PRKG1: variants seen among roughly 807,000 people sequenced by gnomAD.
PRKG1 encodes the protein protein kinase cGMP-dependent 1.
In PRKG1, 35 loss-of-function variants were observed where a neutral mutation model predicts 88.1. The observed-to-expected ratio is 0.40, with a 90% CI of 0.30 to 0.53. The LOEUF is 0.53. Among genes scored for constraint, PRKG1 ranks in the 20% least tolerant of loss-of-function variants. PRKG1 has a pLI of 0.59. For synonymous variants in PRKG1, 303 were observed against 292.5 expected (o/e 1.04, Z -0.37); for missense variants, 540 against 839.8 (o/e 0.64, Z 4.41).
chr10:51,813,091 TAAG>T (rs1310692504), intron 4 of PRKG1, among the ~76,000 whole-genome samples: 1 of 152,198 alleles, frequency 6.6e-6, no homozygotes, highest in Non-Finnish European at 1.5e-5. Context: ...CAAACTCAAA[TAAG>T]AAAAATCTTT....
At chr10:51,303,380 C>A (rs1840944364) in intron 2 of PRKG1, among the ~76,000 whole-genome samples, 1 of 148,582 alleles carries the variant, frequency 6.7e-6, no homozygotes, top group African/African-American at 2.5e-5. Flanking sequence ...TCACAGCAAT[C>A]ATCAAACAGG....
intron 3 of PRKG1, among the ~76,000 whole-genome samples, chr10:51,539,077 TC>T (rs766701212): frequency 3.3e-5 from 5 of 152,134 alleles, no homozygotes; most frequent in Non-Finnish European, 7.4e-5. Flanking sequence ...ATTAATTTTA[TC>T]TGTCTTGGGT....
intron 1 of PRKG1, among the ~76,000 whole-genome samples, chr10:51,027,548 T>G (rs1392408708): frequency 6.6e-6 from 1 of 152,198 alleles, no homozygotes; most frequent in African/African-American, 2.4e-5. Flanking sequence ...AAACTTAAAG[T>G]GTAGAAAAAT....
At chr10:51,042,408 C>T (rs1843435984) in intron 1 of PRKG1, among the ~76,000 whole-genome samples, 1 of 151,396 alleles carries the variant, frequency 6.6e-6, no homozygotes, top group Non-Finnish European at 1.5e-5. Context: ...TACTTTAAGG[C>T]ATAATCTTTG....
At chr10:51,836,712 A>C (rs1284566600) in intron 4 of PRKG1, among the ~76,000 whole-genome samples, 1 of 152,214 alleles carries the variant, frequency 6.6e-6, no homozygotes, top group Non-Finnish European at 1.5e-5. Flanking sequence ...CTAACCAAAA[A>C]ACCCTCAAAT....
chr10:51,861,053 T>C (rs1840860391), intron 4 of PRKG1, among the ~76,000 whole-genome samples: 1 of 152,150 alleles, frequency 6.6e-6, no homozygotes, highest in Non-Finnish European at 1.5e-5. Flanking sequence ...CTTTTACCAA[T>C]ATTTTTATGG....
chr10:51,817,506 T>A (rs191551502), intron 4 of PRKG1, among the ~76,000 whole-genome samples: 184 of 152,292 alleles, frequency 1.2e-3, no homozygotes, highest in African/African-American at 4.1e-3. Context: ...GCTTCATCCA[T>A]GTCCCTGCAT....
chr10:51,365,412 T>C (rs190456853), intron 2 of PRKG1, among the ~76,000 whole-genome samples: 1 of 152,032 alleles, frequency 6.6e-6, no homozygotes, highest in East Asian at 1.9e-4. Flanking sequence ...AGGCAGTTAG[T>C]ATAATGTCAT....
At chr10:51,978,300 C>T (rs1442395335) in intron 5 of PRKG1, among the ~76,000 whole-genome samples, 1 of 151,902 alleles carries the variant, frequency 6.6e-6, no homozygotes, top group Non-Finnish European at 1.5e-5. Flanking sequence ...CGTCTCTCTA[C>T]TCCATTTCAC....
At chr10:51,137,248 G>A (rs943376764) in intron 1 of PRKG1, among the ~76,000 whole-genome samples, 2 of 152,126 alleles carry the variant, frequency 1.3e-5, no homozygotes, top group Non-Finnish European at 2.9e-5. Context: ...AGGGTGGGGG[G>A]CAGGGAGGAG....
At chr10:51,646,856 T>G (rs1839926316) in intron 3 of PRKG1, among the ~76,000 whole-genome samples, 1 of 152,062 alleles carries the variant, frequency 6.6e-6, no homozygotes, top group Non-Finnish European at 1.5e-5. Context: ...TTATTCAAAG[T>G]ACTTATATAT....
At chr10:52,264,095 C>A (rs536335796) in intron 10 of PRKG1, among the ~76,000 whole-genome samples, 1 of 151,230 alleles carries the variant, frequency 6.6e-6, no homozygotes, top group African/African-American at 2.4e-5. Flanking sequence ...TGTTATTATA[C>A]TCCACTGCTG....
In PRKG1 at chr10:51,991,882, G is replaced by A. The variant is rs548958504; in HGVS notation, c.763-62602G>A. On this transcript the variant is annotated intron_variant, in intron 5 of 17. Coordinates refer to ENST00000373980, the MANE Select transcript of PRKG1 (RefSeq NM_006258.4). ...ATAGCAGCATGATTTATAATCCTTT[G>A]GGTATATACCCAGTAATGGGATGGC... 2.6e-5 allele frequency among the ~76,000 whole-genome samples: 4 copies of A among 152,188 alleles called. No homozygotes were observed. In the East Asian group the frequency reaches 5.8e-4, roughly 22 times the overall value.
At chr10:51,517,688 A>T (rs1370741720) in intron 3 of PRKG1, among the ~76,000 whole-genome samples, 2 of 151,994 alleles carry the variant, frequency 1.3e-5, no homozygotes, top group African/African-American at 4.8e-5. Context: ...TATTTTTTTC[A>T]CTTGGGCTTG....
At chr10:51,924,952 GT>G (rs535741223) in intron 5 of PRKG1, among the ~76,000 whole-genome samples, 11,317 of 140,978 alleles carry the variant, frequency 0.08, 1,099 homozygotes, top group African/African-American at 0.24. Context: ...ATGTTGCCTA[GT>G]TTTTTTTTTT....
chr10:51,873,814 C>A (rs1304654563), intron 4 of PRKG1, among the ~76,000 whole-genome samples: 1 of 152,172 alleles, frequency 6.6e-6, no homozygotes, highest in Non-Finnish European at 1.5e-5. Flanking sequence ...CAGGCGTGAG[C>A]CACCATGCCC....
intron 3 of PRKG1, among the ~76,000 whole-genome samples, chr10:51,498,401 G>T (rs778399416): frequency 6.6e-6 from 1 of 152,118 alleles, no homozygotes; most frequent in African/African-American, 2.4e-5. Flanking sequence ...AAGAAAAATA[G>T]AATTGTTCCC....
Position 52,150,200 on chromosome 10 carries a change from G to A in PRKG1, c.1002-11689G>A, listed in dbSNP as rs566740182. On this transcript the variant is annotated intron_variant, in intron 8 of 17. Transcript: ENST00000373980. ...ATAATAATAATTTGATTGGCCATAA[G>A]GGCAGGATTTGAGAGAGAGAGAAAG... is the stretch of plus-strand genomic sequence containing the variant. 1.0e-4 allele frequency among the ~76,000 whole-genome samples: 11 copies of A among 105,668 alleles called. No individual in the cohort carries two copies. In the South Asian group the frequency reaches 3.4e-3, roughly 33 times the overall value. 69.3% of individuals were successfully genotyped at this position (105,668 alleles called of 152,430 possible).
At chr10:51,979,910 A>G (rs1243238768) in intron 5 of PRKG1, among the ~76,000 whole-genome samples, 1 of 151,800 alleles carries the variant, frequency 6.6e-6, no homozygotes, top group African/African-American at 2.4e-5. Flanking sequence ...CTAGCAGTCT[A>G]TCTAATTTAT....
Sources: allele counts gnomAD v4.1 joint callset (sites outside exome capture counted in the v4.1 genomes callset), GRCh38; gene constraint gnomAD v4.1.1; transcripts MANE v1.5; gene names NCBI Gene and HGNC (gene_info 2026-07-23, HGNC 2026-07-21).